The following DLG2 variants were observed in gnomAD, a reference collection of about 807,000 sequenced individuals.
DLG2 encodes the protein disks large homolog 2.
DLG2 carries 45 observed loss-of-function variants against 132.5 expected under a neutral mutation model. That is an observed-to-expected ratio of 0.34 (90% CI 0.27 to 0.44). The LOEUF is 0.44. Among genes scored for constraint, DLG2 ranks in the 20% least tolerant of loss-of-function variants. The pLI, the probability that DLG2 is intolerant of heterozygous loss-of-function variation, is 1.00. For synonymous variants in DLG2, 424 were observed against 419.6 expected, an observed-to-expected ratio of 1.01 and a Z score of -0.13; for missense variants, 1,045 against 1,196.9, an observed-to-expected ratio of 0.87 and a Z score of 1.87.
At chr11:83,848,605 A>T (rs369182578) in intron 16 of DLG2, among the ~76,000 whole-genome samples, 22 of 152,272 alleles carry the variant, frequency 1.4e-4, no homozygotes, top group African/African-American at 5.3e-4. Context: ...TTAATTCAGA[A>T]ATGCCTCTCA....
chr11:85,259,457 C>T (rs1253421937), intron 4 of DLG2, among the ~76,000 whole-genome samples: 1 of 152,068 alleles, frequency 6.6e-6, no homozygotes, highest in Admixed American at 6.6e-5. Flanking sequence ...CAATAACAAA[C>T]TAATATACTG....
chr11:85,028,340 T>C (rs1345420073), intron 6 of DLG2, among the ~76,000 whole-genome samples: 2 of 152,156 alleles, frequency 1.3e-5, no homozygotes, highest in African/African-American at 2.4e-5. Context: ...AAGTTCTCAC[T>C]GTAAGCCACG....
chr11:84,150,177 C>T (rs2095248816), intron 9 of DLG2, among the ~76,000 whole-genome samples: 1 of 152,172 alleles, frequency 6.6e-6, no homozygotes, highest in South Asian at 2.1e-4. Context: ...GGTATTGATT[C>T]TTCCAATCCA....
chr11:85,125,534 A>T (rs931125695), intron 5 of DLG2, among the ~76,000 whole-genome samples: 5 of 152,146 alleles, frequency 3.3e-5, no homozygotes, highest in Non-Finnish European at 7.4e-5. Context: ...ATTTAATTAG[A>T]TATTTAGGTT....
chr11:85,377,993 C>A (rs1396250700), intron 3 of DLG2, among the ~76,000 whole-genome samples: 1 of 151,834 alleles, frequency 6.6e-6, no homozygotes, highest in East Asian at 1.9e-4. Context: ...CCAGTCACTA[C>A]CTACAGCTGC....
chr11:83,749,296 G>A (rs78768205), intron 18 of DLG2, among the ~76,000 whole-genome samples: 1,721 of 152,236 alleles, frequency 0.011, 13 homozygotes, highest in Non-Finnish European at 0.019. Context: ...TAATTTTATT[G>A]CATAAAAGAG....
intron 7 of DLG2, among the ~76,000 whole-genome samples, chr11:84,351,483 C>T (rs998799965): frequency 6.6e-6 from 1 of 152,128 alleles, no homozygotes; most frequent in African/African-American, 2.4e-5. Context: ...ACCTAACTAC[C>T]TTGGCAAGTT....
At chr11:84,052,458 G>A (rs902419632) in intron 11 of DLG2, among the ~76,000 whole-genome samples, 3 of 151,410 alleles carry the variant, frequency 2.0e-5, no homozygotes, top group African/African-American at 4.9e-5. Context: ...ATCTGACAAA[G>A]GTCTAACATC....
At chr11:83,522,003 A>C (rs1230511768) in intron 21 of DLG2, among the ~76,000 whole-genome samples, 1 of 152,208 alleles carries the variant, frequency 6.6e-6, no homozygotes, top group Non-Finnish European at 1.5e-5. Flanking sequence ...TTTTAAAGGA[A>C]TACTTAATGC....
chr11:84,631,897 T>C, intron 6 of DLG2, among the ~76,000 whole-genome samples: 1 of 152,136 alleles, frequency 6.6e-6, no homozygotes, highest in East Asian at 1.9e-4. Flanking sequence ...TCTGGCATAG[T>C]TTTTTCTTTG....
intron 6 of DLG2, chr11:85,021,084 T>C (rs2060022759): frequency 1.3e-6 from 1 of 775,864 alleles, no homozygotes; most frequent in South Asian, 1.3e-5. Flanking sequence ...TTGTTTTATC[T>C]TGGTCAACTC....
At chr11:83,734,946 C>T (rs1264603978) in intron 18 of DLG2, among the ~76,000 whole-genome samples, 1 of 151,920 alleles carries the variant, frequency 6.6e-6, no homozygotes, top group Non-Finnish European at 1.5e-5. Context: ...CACACACAAA[C>T]AAGGCGCCCC....
intron 3 of DLG2, among the ~76,000 whole-genome samples, chr11:85,389,651 A>T (rs1368447479): frequency 6.6e-6 from 1 of 152,228 alleles, no homozygotes. Flanking sequence ...TCAGATTAAC[A>T]GCAGTTTTCT....
At chr11:84,295,147 C>T (rs936403004) in intron 7 of DLG2, among the ~76,000 whole-genome samples, 2 of 152,076 alleles carry the variant, frequency 1.3e-5, no homozygotes, top group Admixed American at 6.6e-5. Context: ...GGACTCAGAA[C>T]CTGAGCTCTG....
intron 19 of DLG2, among the ~76,000 whole-genome samples, chr11:83,601,510 CTTTTTTTTTT>C (rs71066054): frequency 1.1e-5 from 1 of 94,538 alleles, no homozygotes; most frequent in African/African-American, 4.1e-5. Context: ...ATGTGATGTT[CTTTTTTTTTT>C]TTTTTTTTTT....
chr11:84,740,130 T>C (rs919557558), intron 6 of DLG2, among the ~76,000 whole-genome samples: 2 of 151,678 alleles, frequency 1.3e-5, no homozygotes. Flanking sequence ...ACCAAAGTAA[T>C]AGAAAAACAG....
chr11:83,885,501 G>A (rs2067582031), intron 15 of DLG2, among the ~76,000 whole-genome samples: 2 of 152,172 alleles, frequency 1.3e-5, no homozygotes. Flanking sequence ...CGAGGAGAAT[G>A]GAATCAAGCT....
intron 16 of DLG2, among the ~76,000 whole-genome samples, chr11:83,841,802 T>G (rs1162168221): frequency 6.6e-6 from 1 of 152,196 alleles, no homozygotes; most frequent in Non-Finnish European, 1.5e-5. Flanking sequence ...CCATCCAACT[T>G]CCAATAGACA....
intron 6 of DLG2, among the ~76,000 whole-genome samples, chr11:84,552,485 A>G (rs968789828): frequency 6.6e-6 from 1 of 152,124 alleles, no homozygotes; most frequent in Non-Finnish European, 1.5e-5. Flanking sequence ...TAAGATGACA[A>G]TCTTTCCAGG....
Sources: allele counts gnomAD v4.1 joint callset (sites outside exome capture counted in the v4.1 genomes callset), GRCh38; gene constraint gnomAD v4.1.1; transcripts MANE v1.5; gene names NCBI Gene and HGNC (gene_info 2026-07-23, HGNC 2026-07-21).